The following TRAM1 variants were observed in gnomAD, a reference collection of about 807,000 sequenced individuals.
TRAM1 encodes the protein translocating chain-associated membrane protein 1.
A neutral mutation model predicts 48.7 loss-of-function variants in TRAM1; 17 were observed. The ratio of observed to expected loss-of-function variants is 0.35; its 90% CI spans 0.24 to 0.52. The LOEUF (loss-of-function observed/expected upper bound fraction) is 0.52, where lower values mean the gene tolerates loss of function less well. Among genes scored for constraint, TRAM1 ranks in the 20% least tolerant of loss-of-function variants. TRAM1 has a pLI of 0.94. For missense variants in TRAM1, 351 were observed against 441.5 expected (o/e 0.79, Z 1.84); for synonymous variants, 182 against 154.0 (o/e 1.18, Z -1.34).
At chr8:70,585,501 G>A (rs963295006) in intron 8 of TRAM1, among the ~76,000 whole-genome samples, 5 of 149,156 alleles carry the variant, frequency 3.4e-5, no homozygotes, top group African/African-American at 9.8e-5. Context: ...CTACAAAATG[G>A]GAGAAAATTT....
At chr8:70,603,303 T>TATACACACACACACACACAC (rs1041808375) in intron 1 of TRAM1, among the ~76,000 whole-genome samples, 25 of 150,062 alleles carry the variant, frequency 1.7e-4, no homozygotes, top group African/African-American at 3.9e-4. Context: ...ATATGTTTTA[T>TATACACACACACACACACAC]ACACACACAC....
At chr8:70,582,475 G>A (rs1817100865) in intron 10 of TRAM1, among the ~76,000 whole-genome samples, 1 of 143,072 alleles carries the variant, frequency 7.0e-6, no homozygotes, top group Admixed American at 7.1e-5. Context: ...GTACTAAAAT[G>A]TATTAAGAAA....
intron 2 of TRAM1, 121 bp from the exon 3 acceptor site, chr8:70,598,376 A>G: frequency 1.1e-6 from 1 of 907,670 alleles, no homozygotes; most frequent in Non-Finnish European, 1.5e-6. Flanking sequence ...CTATATTAAC[A>G]TCATAAATAA....
At chr8:70,603,309 C>T (rs1404994124) in intron 1 of TRAM1, among the ~76,000 whole-genome samples, 4,622 of 67,974 alleles carry the variant, frequency 0.068, 237 homozygotes, top group African/African-American at 0.15. Flanking sequence ...TTTATACACA[C>T]ACACACACAC....
At chr8:70,597,791 A>G in intron 4 of TRAM1, 104 bp downstream of exon 4, 1 of 846,542 alleles carries the variant, frequency 1.2e-6, no homozygotes. Flanking sequence ...AAAAATACCT[A>G]AAACAGATTT....
chr8:70,578,829 G>A (rs2132023829), intron 10 of TRAM1, among the ~76,000 whole-genome samples: 1 of 152,272 alleles, frequency 6.6e-6, no homozygotes, highest in East Asian at 1.9e-4. Flanking sequence ...CATGAACAAA[G>A]ATGCAAAAAT....
intron 6 of TRAM1, among the ~76,000 whole-genome samples, chr8:70,591,767 C>G (rs1817367990): frequency 6.6e-6 from 1 of 152,082 alleles, no homozygotes; most frequent in African/African-American, 2.4e-5. Flanking sequence ...CATTATAGAG[C>G]TCTGTATTAA....
rs180856422 is a variant in TRAM1, at chr8:70,591,350, C to T, written c.570+3156G>A. Among the ~76,000 whole-genome samples the T allele has an allele frequency of 2.7e-3, 412 of 152,274 alleles. 2 individuals are homozygous for T. The highest frequency in any genetic ancestry group is 0.02 in the Middle Eastern group (6 of 294). ...ATTCCTGTGGTAGGCCAGCCTCCCTCAATGTTCTCCATTTCCTCTGGGGTT... is the reference window on the plus strand; with the variant it reads ...ATTCCTGTGGTAGGCCAGCCTCCCTTAATGTTCTCCATTTCCTCTGGGGTT... On this transcript the variant is annotated intron_variant, in intron 6 of 10. Coordinates refer to ENST00000262213, the MANE Select transcript of TRAM1 (RefSeq NM_014294.6).
chr8:70,585,829 T>C (rs2132030614), intron 8 of TRAM1, among the ~76,000 whole-genome samples: 1 of 128,394 alleles, frequency 7.8e-6, no homozygotes, highest in African/African-American at 2.7e-5. Context: ...TTGCTGGGAC[T>C]GTAAACTAGT....
At chr8:70,577,221 C>T (rs1384051047) in intron 10 of TRAM1, among the ~76,000 whole-genome samples, 3 of 152,138 alleles carry the variant, frequency 2.0e-5, no homozygotes, top group Admixed American at 2.0e-4. Flanking sequence ...GGTCTGTAGG[C>T]ACCCCTTGGC....
intron 1 of TRAM1, among the ~76,000 whole-genome samples, chr8:70,603,303 T>TATACACACACACACACAC (rs1041808375): frequency 2.9e-4 from 44 of 150,060 alleles, no homozygotes; most frequent in African/African-American, 4.2e-4. Flanking sequence ...ATATGTTTTA[T>TATACACACACACACACAC]ACACACACAC....
At chr8:70,597,306 T>C (rs1817509378) in intron 4 of TRAM1, among the ~76,000 whole-genome samples, 1 of 152,124 alleles carries the variant, frequency 6.6e-6, no homozygotes, top group African/African-American at 2.4e-5. Flanking sequence ...AAGGAGGAAA[T>C]GACTGTGAAC....
At chr8:70,578,208 C>G (rs563855958) in intron 10 of TRAM1, among the ~76,000 whole-genome samples, 2 of 152,340 alleles carry the variant, frequency 1.3e-5, no homozygotes, top group Admixed American at 1.3e-4. Context: ...ACATCAGGAT[C>G]AAGGGATCCT....
chr8:70,584,768 T>G (rs1253670942), intron 8 of TRAM1, among the ~76,000 whole-genome samples: 7 of 151,798 alleles, frequency 4.6e-5, no homozygotes, highest in South Asian at 4.2e-4. Flanking sequence ...CACTGCTCAA[T>G]GAAATAAAAG....
Position 70,586,492 on chromosome 8 carries a change from T to C in TRAM1, c.746+403A>G, listed in dbSNP as rs561385892. Among the ~76,000 whole-genome samples, 4 of 152,292 alleles carry C rather than the reference T, an allele frequency of 2.6e-5. No homozygotes were observed. In the South Asian group the frequency reaches 8.3e-4, roughly 32 times the overall value. On this transcript the variant is annotated intron_variant, in intron 8 of 10. Transcript: ENST00000262213. The stretch of plus-strand genomic sequence containing the variant: ...AGACAACTTTGCACTCTTTACAAGT[T>C]ACACCTCTCCAATTCTGTTTTCAGT...
chr8:70,587,372 T>C (rs1817246370), intron 6 of TRAM1, 196 bp from the exon 7 acceptor site: 1 of 527,820 alleles, frequency 1.9e-6, no homozygotes, highest in Admixed American at 3.4e-5. Flanking sequence ...TCTTTAAGAG[T>C]AAGTGAAAAA....
At chr8:70,597,468 G>A (rs1003346912) in intron 4 of TRAM1, among the ~76,000 whole-genome samples, 13 of 151,814 alleles carry the variant, frequency 8.6e-5, no homozygotes, top group African/African-American at 2.9e-4. Context: ...TCAGGAGTTC[G>A]AGACCATCCT....
chr8:70,586,797 A>C (rs1358144271), intron 8 of TRAM1, 98 bp downstream of exon 8: 1 of 1,023,556 alleles, frequency 9.8e-7, no homozygotes, highest in Non-Finnish European at 1.5e-6. Flanking sequence ...TGATCGCTTA[A>C]AAAGTTAATA....
At position 70,583,673 on chromosome 8, in the gene TRAM1, T is replaced by G. The variant is rs762922376; in HGVS notation, c.867A>C (p.Gly289=). ...AENQKLDFST[G]NFNVLAVRIA... is the part of the protein sequence containing the mutation. ...ACCTAACAGCTAACACATTGAAGTTTCCAGTACTGAAATCCAGCTTCTGAT... is the reference window on the plus strand; with the variant it reads ...ACCTAACAGCTAACACATTGAAGTTGCCAGTACTGAAATCCAGCTTCTGAT... Residue 289 remains glycine, a synonymous_variant, in exon 9 of 11, where the codon GGA becomes GGC. Transcript: ENST00000262213. The G allele has an allele frequency of 6.2e-7, 1 of 1,613,172 alleles. No individual in the cohort carries two copies.
Sources: allele counts gnomAD v4.1 joint callset (sites outside exome capture counted in the v4.1 genomes callset), GRCh38; gene constraint gnomAD v4.1.1; transcripts MANE v1.5; gene names NCBI Gene and HGNC (gene_info 2026-07-23, HGNC 2026-07-21).